The following NRG3 variants were observed in gnomAD, a reference collection of about 807,000 sequenced individuals.
The protein encoded by NRG3 is neuregulin 3.
Under a neutral mutation model 66.9 loss-of-function variants are expected in NRG3, and 31 were observed. That is an observed-to-expected ratio of 0.46 (90% CI 0.35 to 0.63). NRG3 has a LOEUF of 0.63. NRG3 is among the 20% of genes least tolerant of loss of function. The pLI is 0.00. For synonymous variants in NRG3, 393 were observed against 359.4 expected, an observed-to-expected ratio of 1.09 and a Z score of -1.06; for missense variants, 910 against 878.9, an observed-to-expected ratio of 1.04 and a Z score of -0.45.
At chr10:82,053,165 A>T (rs892992739) in intron 1 of NRG3, among the ~76,000 whole-genome samples, 1 of 151,918 alleles carries the variant, frequency 6.6e-6, no homozygotes, top group Non-Finnish European at 1.5e-5. Context: ...TGTTCCAAAA[A>T]TTGGGAGACA....
At position 82,177,671 on chromosome 10, in the gene NRG3, C is replaced by G. The variant is rs187199121; in HGVS notation, c.824-181068C>G. ...TCGCTGCCACTTCTACCTCTTGGGC[C>G]TATGTGATCCTCCCACCTCAGCCTC... is the stretch of plus-strand genomic sequence containing the variant. On this transcript the variant is annotated intron_variant, in intron 1 of 8. Transcript: ENST00000372141. Among the ~76,000 whole-genome samples the G allele has an allele frequency of 3.4e-3, 516 of 152,236 alleles. 4 individuals carry two copies. Among genetic ancestry groups the G allele is most frequent in the African/African-American group, 0.012 (485 of 41,546 alleles).
In NRG3 at chr10:82,794,521, T is replaced by C. The variant is rs185325817; in HGVS notation, c.1027+55871T>C. Among the ~76,000 whole-genome samples the C allele has an allele frequency of 1.1e-4, 17 of 152,242 alleles. No individual in the cohort carries two copies. The East Asian group carries it at 3.1e-3, about 28-fold the overall frequency. On this transcript the variant is annotated intron_variant, in intron 3 of 8. Transcript: ENST00000372141. ...GGTTAATAAAAGCCTAATCTGCTCA[T>C]TTGTTTACACTGTTTACTCCCTAAA...
intron 2 of NRG3, among the ~76,000 whole-genome samples, chr10:82,362,744 G>A (rs1190200590): frequency 2.6e-5 from 4 of 151,706 alleles, no homozygotes; most frequent in Non-Finnish European, 4.4e-5. Context: ...ACAGATTGTG[G>A]TATATTGTGG....
chr10:82,948,213 C>T (rs1849198782), intron 4 of NRG3, among the ~76,000 whole-genome samples: 1 of 151,996 alleles, frequency 6.6e-6, no homozygotes, highest in Admixed American at 6.6e-5. Context: ...TTGTCAAAAC[C>T]AATTGGCCAC....
chr10:82,460,037 CTG>C (rs1245968823), intron 2 of NRG3, among the ~76,000 whole-genome samples: 1 of 152,198 alleles, frequency 6.6e-6, no homozygotes, highest in Non-Finnish European at 1.5e-5. Flanking sequence ...CTCTCCCTAA[CTG>C]GAGTGAGGAT....
chr10:82,249,962 T>C (rs1307939266), intron 1 of NRG3, among the ~76,000 whole-genome samples: 1 of 152,192 alleles, frequency 6.6e-6, no homozygotes, highest in African/African-American at 2.4e-5. Context: ...CCAATGTGAA[T>C]ATAAACTCCA....
intron 1 of NRG3, among the ~76,000 whole-genome samples, chr10:82,067,411 G>A (rs970024930): frequency 1.3e-5 from 2 of 152,158 alleles, no homozygotes; most frequent in African/African-American, 2.4e-5. Flanking sequence ...TCCCCCAGGC[G>A]CAATCTTGCC....
In NRG3 at chr10:82,368,634, T is replaced by G. The variant is rs1337041310; in HGVS notation, c.953+9766T>G. 1.4e-5 allele frequency among the ~76,000 whole-genome samples: 2 copies of G among 138,076 alleles called. 1 individual carries two copies. The highest frequency in any genetic ancestry group is 3.0e-5 in the Non-Finnish European group (2 of 67,500). The allele number at this position is 138,076 out of a possible 152,430, so 90.6% of individuals were successfully genotyped here. ...CTTCCTGCCTGAGAGTTTCACTATC[T>G]TGTGAGGGATGGGACAGTCTGGAAG... On this transcript the variant is annotated intron_variant, in intron 2 of 8. Transcript: ENST00000372141.
intron 1 of NRG3, among the ~76,000 whole-genome samples, chr10:81,931,635 C>G (rs1847357418): frequency 6.6e-6 from 1 of 152,114 alleles, no homozygotes; most frequent in Non-Finnish European, 1.5e-5. Context: ...GGTGCCTATT[C>G]TTGGATTTCC....
At chr10:82,747,109 A>G (rs2058678650) in intron 3 of NRG3, among the ~76,000 whole-genome samples, 1 of 152,014 alleles carries the variant, frequency 6.6e-6, no homozygotes, top group Non-Finnish European at 1.5e-5. Flanking sequence ...AAAAAAAGGA[A>G]CACCATCAGG....
chr10:82,448,636 C>G (rs1215339012), intron 2 of NRG3, among the ~76,000 whole-genome samples: 1 of 152,102 alleles, frequency 6.6e-6, no homozygotes, highest in African/African-American at 2.4e-5. Flanking sequence ...CCCCAGCTCC[C>G]CTGTATTAGA....
intron 1 of NRG3, among the ~76,000 whole-genome samples, chr10:82,109,226 G>A (rs1204949866): frequency 1.2e-4 from 19 of 152,164 alleles, no homozygotes; most frequent in Admixed American, 1.2e-3. Context: ...GGAGATTCCA[G>A]GCACAGGGCT....
chr10:82,210,366 C>T (rs1232913552), intron 1 of NRG3, among the ~76,000 whole-genome samples: 2 of 152,142 alleles, frequency 1.3e-5, no homozygotes, highest in Non-Finnish European at 2.9e-5. Context: ...TGAAGCTCTC[C>T]AGCTAGAAGG....
chr10:82,047,954 C>T (rs1340118606), intron 1 of NRG3, among the ~76,000 whole-genome samples: 1 of 151,938 alleles, frequency 6.6e-6, no homozygotes, highest in Non-Finnish European at 1.5e-5. Context: ...CAATCCTCAT[C>T]TCTGATAAAA....
Position 81,875,512 on chromosome 10 carries a change from A to T in NRG3, c.172A>T (p.Ile58Phe), listed in dbSNP as rs1218419030. The change falls in exon 1 of 9, where the codon ATC (isoleucine) becomes TTC (phenylalanine). Residue 58 changes from isoleucine to phenylalanine, a missense_variant. Ile to Phe is a conservative substitution (Grantham distance 21). Coordinates refer to ENST00000372141, the MANE Select transcript of NRG3 (RefSeq NM_001010848.4). This position sits in a 1 kb window ranked among gnomAD's most constrained non-coding sequence, Gnocchi z 5.3. ...PPRELRCSDC[I>F]VWNRQQTWLC... ...CCGGGAGTTACGCTGTAGCGACTGC[A>T]TCGTGTGGAACCGGCAGCAGACGTG... 1 of 1,608,962 alleles carries T rather than the reference A, an allele frequency of 6.2e-7. No individual in the cohort carries two copies. The highest frequency in any genetic ancestry group is 1.1e-5 in the South Asian group (1 of 90,890).
intron 3 of NRG3, among the ~76,000 whole-genome samples, chr10:82,775,215 C>CTT (rs35307796): frequency 7.1e-6 from 1 of 139,998 alleles, no homozygotes. Flanking sequence ...TATTTGGGAT[C>CTT]TTTTTTTTTT....
intron 3 of NRG3, among the ~76,000 whole-genome samples, chr10:82,766,757 ATCAG>A (rs1198153842): frequency 1.3e-5 from 2 of 151,956 alleles, no homozygotes; most frequent in African/African-American, 2.4e-5. Flanking sequence ...TTCCTATTTC[ATCAG>A]TCAGTTTGAC....
intron 1 of NRG3, among the ~76,000 whole-genome samples, chr10:82,202,286 T>A (rs538182745): frequency 1.3e-5 from 2 of 152,316 alleles, no homozygotes; most frequent in Admixed American, 6.5e-5. Context: ...ATTTTATACA[T>A]GCATTGGAGA....
intron 1 of NRG3, among the ~76,000 whole-genome samples, chr10:82,257,539 G>A (rs764312135): frequency 6.2e-4 from 95 of 152,276 alleles, no homozygotes; most frequent in African/African-American, 2.1e-3. Flanking sequence ...GGAGGCTGAG[G>A]CAGGTGAATC....
Sources: allele counts gnomAD v4.1 joint callset (sites outside exome capture counted in the v4.1 genomes callset), GRCh38; gene constraint gnomAD v4.1.1; non-coding constraint Gnocchi (gnomAD v3.1); transcripts MANE v1.5; gene names NCBI Gene and HGNC (gene_info 2026-07-23, HGNC 2026-07-21).